The following MESD variants were observed in gnomAD, a reference collection of about 807,000 sequenced individuals.
MESD encodes the protein mesoderm development LRP chaperone, also known as LRP chaperone MESD.
Under a neutral mutation model 12.9 loss-of-function variants are expected in MESD, and 7 were observed. That is an observed-to-expected ratio of 0.54 (90% CI 0.31 to 1.02). The LOEUF is 1.02. MESD is among the 50% of genes least tolerant of loss of function. MESD has a pLI of 0.05. For missense variants in MESD, 342 were observed against 296.7 expected (o/e 1.15, Z -1.12); for synonymous variants, 126 against 115.6 (o/e 1.09, Z -0.58).
chr15:80,977,097 G>A lies in MESD; in HGVS notation c.*2122C>T. 6.5e-6 allele frequency: 1 copy of A among 154,382 alleles called. No homozygotes were observed. Among genetic ancestry groups the A allele is most frequent in the Non-Finnish European group, 1.4e-5 (1 of 69,664 alleles). 9.6% of individuals were successfully genotyped at this position (154,382 alleles called of 1,614,324 possible). On this transcript the variant is annotated 3_prime_UTR_variant, in exon 3 of 3. Coordinates refer to ENST00000261758, the MANE Select transcript of MESD (RefSeq NM_015154.3). Reference sequence around the variant, plus strand: ...CAACCTGGGCCTGCACTGGGCCCCAGCCTCCCCGCTGGCCTTCCTGCTGCC... The same window carrying A: ...CAACCTGGGCCTGCACTGGGCCCCAACCTCCCCGCTGGCCTTCCTGCTGCC...
chr15:80,961,102 C>A (rs958427184), intron 3 of MESD, among the ~76,000 whole-genome samples: 1 of 152,142 alleles, frequency 6.6e-6, no homozygotes, highest in Non-Finnish European at 1.5e-5. Context: ...AACTGGCCCC[C>A]ACTTTTGCAA....
intron 1 of MESD, among the ~76,000 whole-genome samples, chr15:80,983,821 C>T (rs1265052301): frequency 6.6e-6 from 1 of 151,912 alleles, no homozygotes; most frequent in African/African-American, 2.4e-5. Context: ...GACTTACAAC[C>T]CCTCAAACAA....
intron 3 of MESD, chr15:80,970,640 C>T (rs1224581321): frequency 2.0e-5 from 3 of 152,232 alleles, no homozygotes; most frequent in Non-Finnish European, 4.4e-5. Context: ...TCCTATTCTT[C>T]GGAACTTTCC....
Position 80,979,282 on chromosome 15 carries a change from T to C in MESD, c.642A>G (p.Gly214=). The C allele has an allele frequency of 6.2e-7, 1 of 1,614,046 alleles. No individual in the cohort carries two copies. The highest frequency in any genetic ancestry group is 1.3e-5 in the African/African-American group (1 of 75,052). The part of the protein sequence containing the change: ...KQDKGKKKKE[G]DLKSRSSKEE... ...CCTTGGAAGACCGAGATTTCAGATCTCCTTCCTTCTTTTTTTTGCCCTTGT... is the reference window on the plus strand; with the variant it reads ...CCTTGGAAGACCGAGATTTCAGATCCCCTTCCTTCTTTTTTTTGCCCTTGT... The change falls in exon 3 of 3, where the codon GGA becomes GGG. Residue 214 remains glycine (G), a synonymous_variant. Coordinates refer to ENST00000261758, the MANE Select transcript of MESD (RefSeq NM_015154.3).
intron 4 of MESD, chr15:80,949,151 A>T (rs549398794): frequency 3.3e-6 from 2 of 599,564 alleles, no homozygotes; most frequent in Non-Finnish European, 5.9e-6. Context: ...CCAATGCTGG[A>T]AACATTCACT....
exon 5 of MESD, chr15:80,948,388 T>A (rs1901657799): frequency 3.1e-6 from 1 of 318,788 alleles, no homozygotes; most frequent in Non-Finnish European, 6.2e-6. Context: ...GGGAAGGAGA[T>A]CTTGTAGATC....
In MESD at chr15:80,981,958, G is replaced by T; in HGVS notation, c.438C>A (p.Asp146Glu). ...WQGSLFNANY[D>E]VQRFIVGSDR... ...GGTTGTTGCTGCTTTACCTCTGGAC[G>T]TCATAGTTGGCATTGAAAAGGCTGC... is the stretch of plus-strand genomic sequence containing the variant. The change falls in exon 2 of 3, where the codon GAC becomes GAA. Residue 146 changes from aspartate (D) to glutamate (E), a missense_variant. Coordinates refer to ENST00000261758, the MANE Select transcript of MESD (RefSeq NM_015154.3). 1.2e-6 allele frequency: 2 copies of T among 1,611,706 alleles called. No homozygotes were observed. The highest frequency in any genetic ancestry group is 1.7e-6 in the Non-Finnish European group (2 of 1,177,798).
In MESD at chr15:80,989,659, T is replaced by A. The variant is rs536255319; in HGVS notation, c.133A>T (p.Thr45Ser). 2.5e-6 allele frequency: 4 copies of A among 1,613,432 alleles called. No homozygotes were observed. Among genetic ancestry groups the A allele is most frequent in the Non-Finnish European group, 2.5e-6 (3 of 1,179,966 alleles). ...TTCTTCTTCTTCCGGGGAGGTGGGG[T>A]AGACTCGTCGGGCGTCCCGGGCGAG... ...EGSPGTPDESTPPPRKKKKDI... is the reference protein window; with the variant it reads ...EGSPGTPDESSPPPRKKKKDI... Residue 45 changes from threonine (T) to serine (S), a missense_variant, in exon 1 of 3, where the codon ACC becomes TCC. Coordinates refer to ENST00000261758, the MANE Select transcript of MESD (RefSeq NM_015154.3).
In MESD at chr15:80,961,581, T is replaced by C. The variant is rs558903768; in HGVS notation, c.*289-9285A>G. Among the ~76,000 whole-genome samples the C allele has an allele frequency of 3.3e-5, 5 of 152,318 alleles. No individual in the cohort carries two copies. In the South Asian group the frequency reaches 1.0e-3, roughly 32 times the overall value. On this transcript the variant is annotated intron_variant, in intron 3 of 4. Coordinates refer to the MESD transcript ENST00000561312. The stretch of plus-strand genomic sequence containing the variant: ...AAGTAAAAATGACTGCAAAATGTAT[T>C]CAGACTTTGGCTCCAAAATTCTGTC...
intron 1 of MESD, among the ~76,000 whole-genome samples, chr15:80,986,500 T>C (rs1294717828): frequency 6.6e-6 from 1 of 152,228 alleles, no homozygotes; most frequent in Non-Finnish European, 1.5e-5. Context: ...TATACATGTG[T>C]AGAAATACAA....
exon 5 of MESD, chr15:80,948,704 C>A: frequency 6.5e-7 from 1 of 1,540,972 alleles, no homozygotes; most frequent in Non-Finnish European, 8.9e-7. Flanking sequence ...ACCTGGTGGG[C>A]GTGGGGGGCT....
downstream of MESD, among the ~76,000 whole-genome samples, chr15:80,975,422 G>GA (rs1902385454): frequency 6.6e-6 from 1 of 151,736 alleles, no homozygotes; most frequent in South Asian, 2.1e-4. Context: ...AACTTCCAGG[G>GA]AAAAAAGCAA....
At chr15:80,988,450 A>G (rs1406352082) in intron 1 of MESD, among the ~76,000 whole-genome samples, 1 of 152,096 alleles carries the variant, frequency 6.6e-6, no homozygotes, top group East Asian at 1.9e-4. Flanking sequence ...TGATGTTCTC[A>G]CTCTGGCAGA....
exon 5 of MESD, chr15:80,948,497 A>C: frequency 2.3e-6 from 1 of 438,148 alleles, no homozygotes; most frequent in Non-Finnish European, 4.3e-6. Flanking sequence ...GGTTCCTAGG[A>C]GGTCTCCTCC....
intron 1 of MESD, among the ~76,000 whole-genome samples, chr15:80,988,552 T>G (rs547344326): frequency 1.0e-3 from 153 of 152,266 alleles, no homozygotes; most frequent in African/African-American, 3.5e-3. Flanking sequence ...CTCAAATCTA[T>G]CCCAATCTTT....
chr15:80,947,253 C>T (rs936070926), downstream of MESD: 16 of 559,886 alleles, frequency 2.9e-5, no homozygotes, highest in South Asian at 3.6e-4. Context: ...CTGTTTACCA[C>T]CCCTGCACTG....
intron 3 of MESD, among the ~76,000 whole-genome samples, chr15:80,955,469 G>A (rs1186176509): frequency 3.8e-5 from 5 of 132,052 alleles, no homozygotes; most frequent in South Asian, 2.4e-4. Context: ...CAGCCTGGGC[G>A]ACGGAGAGAC....
intron 3 of MESD, among the ~76,000 whole-genome samples, chr15:80,955,682 G>A (rs1248984531): frequency 6.7e-6 from 1 of 149,982 alleles, no homozygotes; most frequent in Non-Finnish European, 1.5e-5. Flanking sequence ...GTGAAGTGAT[G>A]CAATCTCGGC....
At chr15:80,975,527 C>T (rs529001588), downstream of MESD, among the ~76,000 whole-genome samples, 116 of 152,044 alleles carry the variant, frequency 7.6e-4, 1 homozygote, top group South Asian at 7.7e-3. Flanking sequence ...TGTCAGTATA[C>T]AAACACTATT....
Sources: gnomAD v4.1 joint callset for allele counts (sites outside exome capture counted in the v4.1 genomes callset) on GRCh38, gnomAD v4.1.1 for gene constraint, MANE v1.5 for transcripts, NCBI Gene and HGNC (gene_info 2026-07-23, HGNC 2026-07-21) for gene names.